Variants in PHF21A observed in about 807,000 individuals in gnomAD.
PHF21A encodes BHC80a.
A neutral mutation model predicts 82.5 loss-of-function variants in PHF21A; 11 were observed. The ratio of observed to expected loss-of-function variants is 0.13; its 90% CI spans 0.08 to 0.22. PHF21A has a LOEUF of 0.22. Among genes scored for constraint, PHF21A ranks in the 10% least tolerant of loss-of-function variants. The pLI is 1.00. For missense variants in PHF21A, 579 were observed against 837.8 expected, an observed-to-expected ratio of 0.69 and a Z score of 3.81; for synonymous variants, 297 against 302.8, an observed-to-expected ratio of 0.98 and a Z score of 0.20.
intron 5 of PHF21A, among the ~76,000 whole-genome samples, chr11:46,077,168 A>G (rs1282164365): frequency 1.3e-5 from 2 of 152,222 alleles, no homozygotes; most frequent in Non-Finnish European, 1.5e-5. Flanking sequence ...TAATCACACA[A>G]AAGTAGGAAA....
At chr11:45,957,002 G>A (rs1486333886) in intron 10 of PHF21A, among the ~76,000 whole-genome samples, 1 of 152,114 alleles carries the variant, frequency 6.6e-6, no homozygotes, top group Non-Finnish European at 1.5e-5. Flanking sequence ...AGACAAAAGT[G>A]ACTTAAAGTC....
chr11:46,097,219 C>A (rs745781685), intron 1 of PHF21A, among the ~76,000 whole-genome samples: 1 of 152,166 alleles, frequency 6.6e-6, no homozygotes, highest in Non-Finnish European at 1.5e-5. Flanking sequence ...TTTTCAAAAT[C>A]CAAGACAGAT....
At chr11:45,941,101 A>C (rs927547213) in intron 15 of PHF21A, among the ~76,000 whole-genome samples, 3 of 152,074 alleles carry the variant, frequency 2.0e-5, no homozygotes, top group African/African-American at 7.2e-5. Context: ...ATAGCAGTTA[A>C]AAAACAATTT....
At chr11:46,035,412 T>C (rs2095976610) in intron 6 of PHF21A, among the ~76,000 whole-genome samples, 1 of 151,992 alleles carries the variant, frequency 6.6e-6, no homozygotes, top group Non-Finnish European at 1.5e-5. Flanking sequence ...CCTTCTAGTA[T>C]GTTTTGACTC....
intron 17 of PHF21A, among the ~76,000 whole-genome samples, chr11:45,936,241 A>G (rs1179685992): frequency 6.6e-6 from 1 of 152,192 alleles, no homozygotes; most frequent in African/African-American, 2.4e-5. Context: ...TCATGCCACA[A>G]CACCCGAGCC....
rs899670487 is a variant in PHF21A at position 46,076,962 on chromosome 11, G to A, written c.88-143C>T. The A allele has an allele frequency of 4.8e-6, 3 of 618,714 alleles. No individual in the cohort carries two copies. The African/African-American group carries it at 5.4e-5, about 11-fold the overall frequency. 38.3% of individuals were successfully genotyped at this position (618,714 alleles called of 1,614,324 possible). ...TCAAATCTGTCATGCATTACACTGT[G>A]GCCATAATACCATCACCTAATGCAC... On this transcript the variant is annotated intron_variant, in intron 5 of 18. Coordinates refer to ENST00000676320, the MANE Select transcript of PHF21A (RefSeq NM_001352027.3).
chr11:46,038,332 T>G (rs914440915), intron 6 of PHF21A, among the ~76,000 whole-genome samples: 2 of 152,114 alleles, frequency 1.3e-5, no homozygotes, highest in Non-Finnish European at 2.9e-5. Context: ...TTCACCATGT[T>G]GGCCAGGCTG....
intron 1 of PHF21A, among the ~76,000 whole-genome samples, chr11:46,098,443 T>C (rs1361617495): frequency 1.3e-5 from 2 of 152,196 alleles, no homozygotes; most frequent in Non-Finnish European, 2.9e-5. Flanking sequence ...TAAGTCTTCT[T>C]ACAATATAAA....
rs149618563 is a variant in PHF21A at position 45,945,215 on chromosome 11, C to T, written c.1452+625G>A. Among the ~76,000 whole-genome samples the T allele has an allele frequency of 4.1e-3, 630 of 152,302 alleles. 4 individuals are homozygous for T. The highest frequency in any genetic ancestry group is 4.3e-3 in the Admixed American group (66 of 15,304). On this transcript the variant is annotated intron_variant, in intron 15 of 18. Coordinates refer to ENST00000676320, the MANE Select transcript of PHF21A (RefSeq NM_001352027.3). ...GAATAGCACTTGCTCAGCAGAGTAG[C>T]GCTCAGTGAGTATCTGCTGAGTGAA...
intron 6 of PHF21A, among the ~76,000 whole-genome samples, chr11:45,986,718 G>A (rs1374501655): frequency 3.3e-5 from 5 of 151,988 alleles, no homozygotes; most frequent in African/African-American, 1.2e-4. Context: ...ACTGTCAGGG[G>A]CAATGTGAAA....
At chr11:46,040,434 T>C (rs1314110605) in intron 6 of PHF21A, among the ~76,000 whole-genome samples, 4 of 152,156 alleles carry the variant, frequency 2.6e-5, no homozygotes, top group Admixed American at 6.5e-5. Context: ...TAATTATAAG[T>C]AGAAGAGAAA....
intron 15 of PHF21A, among the ~76,000 whole-genome samples, chr11:45,940,562 T>C (rs2090154220): frequency 6.6e-6 from 1 of 152,178 alleles, no homozygotes; most frequent in South Asian, 2.1e-4. Context: ...TGTTCTAAAA[T>C]ATTACATGTG....
At chr11:46,117,762 G>T (rs1851759907) in intron 1 of PHF21A, among the ~76,000 whole-genome samples, 1 of 152,090 alleles carries the variant, frequency 6.6e-6, no homozygotes, top group Non-Finnish European at 1.5e-5. Context: ...ATCAACACAA[G>T]ACTAATTCCC....
chr11:46,002,716 A>G (rs2095174213), intron 6 of PHF21A, among the ~76,000 whole-genome samples: 1 of 152,168 alleles, frequency 6.6e-6, no homozygotes, highest in South Asian at 2.1e-4. Context: ...GTGTGCAAAC[A>G]TATAAAACAA....
chr11:45,996,671 G>T (rs1312556281), intron 6 of PHF21A, among the ~76,000 whole-genome samples: 2 of 152,186 alleles, frequency 1.3e-5, no homozygotes, highest in African/African-American at 4.8e-5. Flanking sequence ...AAAATGAAAG[G>T]CAATTTTGAA....
chr11:46,096,631 T>C (rs7924996), intron 1 of PHF21A, among the ~76,000 whole-genome samples: 137,214 of 152,126 alleles, frequency 0.9, 62,047 homozygotes, highest in East Asian at 1. Flanking sequence ...GGCTACTCTC[T>C]TTGGTTTCTT....
chr11:45,973,329 T>C (rs1053448517), intron 7 of PHF21A, among the ~76,000 whole-genome samples: 1 of 152,176 alleles, frequency 6.6e-6, no homozygotes, highest in African/African-American at 2.4e-5. Context: ...CTGGACAACT[T>C]CCCTTATGAA....
At chr11:45,935,241 A>G (rs759687616) in intron 18 of PHF21A, 2 of 1,297,766 alleles carry the variant, frequency 1.5e-6, no homozygotes, top group South Asian at 2.5e-5. Context: ...CCACTCGCTC[A>G]GGTGACTAGG....
At chr11:45,968,122 T>C (rs1158599138) in intron 9 of PHF21A, among the ~76,000 whole-genome samples, 1 of 152,228 alleles carries the variant, frequency 6.6e-6, no homozygotes, top group Non-Finnish European at 1.5e-5. Flanking sequence ...GCATAGTACC[T>C]AGTATGTAGC....
Sources: allele counts gnomAD v4.1 joint callset (sites outside exome capture counted in the v4.1 genomes callset), GRCh38; gene constraint gnomAD v4.1.1; transcripts MANE v1.5; gene names NCBI Gene and HGNC (gene_info 2026-07-23, HGNC 2026-07-21).